TTC34: variants seen among roughly 807,000 people sequenced by gnomAD.
TTC34 encodes tetratricopeptide repeat protein 34.
TTC34 carries 44 observed loss-of-function variants against 40.7 expected under a neutral mutation model. The observed-to-expected ratio is 1.08, with a 90% CI of 0.85 to 1.39. The LOEUF is 1.39. TTC34 is among the 40% of genes most tolerant of loss of function. The pLI is 0.00. For synonymous variants in TTC34, 422 were observed against 398.6 expected, an observed-to-expected ratio of 1.06 and a Z score of -0.70; for missense variants, 884 against 838.0, an observed-to-expected ratio of 1.05 and a Z score of -0.68.
At chr1:2,764,202 G>C (rs1641723603) in intron 6 of TTC34, among the ~76,000 whole-genome samples, 1 of 149,126 alleles carries the variant, frequency 6.7e-6, no homozygotes, top group Non-Finnish European at 1.5e-5. Flanking sequence ...GCATCTGACA[G>C]TCTGGAACAG....
intron 6 of TTC34, among the ~76,000 whole-genome samples, chr1:2,753,339 C>G (rs1272001022): frequency 7.0e-4 from 85 of 122,130 alleles, no homozygotes; most frequent in African/African-American, 9.1e-4. Flanking sequence ...CCCACACCCC[C>G]AGACGAGCAT....
At chr1:2,649,573 C>T (rs1639085626) in intron 6 of TTC34, among the ~76,000 whole-genome samples, 2 of 152,072 alleles carry the variant, frequency 1.3e-5, no homozygotes, top group South Asian at 2.1e-4. Flanking sequence ...TGGAGTCTCT[C>T]TCTGTCGCCC....
intron 6 of TTC34, among the ~76,000 whole-genome samples, chr1:2,751,716 C>T (rs1301749024): frequency 1.1e-4 from 15 of 140,068 alleles, no homozygotes; most frequent in African/African-American, 2.9e-4. Context: ...CAGCCTGGAG[C>T]AGCACCCACA....
At chr1:2,675,713 A>AGCATCTGACAGCCTGGAACG (rs1639889939) in intron 6 of TTC34, among the ~76,000 whole-genome samples, 1 of 83,984 alleles carries the variant, frequency 1.2e-5, no homozygotes, top group Non-Finnish European at 2.5e-5. Flanking sequence ...AGCCTGGAAG[A>AGCATCTGACAGCCTGGAACG]GCACCCACAC....
chr1:2,686,665 T>G (rs1305150477), intron 6 of TTC34, among the ~76,000 whole-genome samples: 1 of 132,676 alleles, frequency 7.5e-6, no homozygotes, highest in Non-Finnish European at 1.6e-5. Context: ...TCTGACAGCC[T>G]GGAACAGCAC....
intron 6 of TTC34, among the ~76,000 whole-genome samples, chr1:2,690,254 C>G (rs1403945320): frequency 3.5e-5 from 5 of 142,100 alleles, no homozygotes; most frequent in South Asian, 2.3e-4. Context: ...GAACAGCACC[C>G]TGCACACCCA....
exon 5 of TTC34, chr1:2,785,991 G>C (rs565594654): frequency 1.3e-6 from 2 of 1,497,722 alleles, no homozygotes; most frequent in African/African-American, 2.8e-5. Flanking sequence ...GGAGGCAGGC[G>C]GTGTCACCAG....
intron 6 of TTC34, among the ~76,000 whole-genome samples, chr1:2,681,933 A>G (rs1314695406): frequency 2.9e-5 from 3 of 103,218 alleles, no homozygotes; most frequent in Non-Finnish European, 6.1e-5. Flanking sequence ...ACAGCCTGGA[A>G]CAGCACCAAC....
chr1:2,783,820 C>T (rs1392567359), intron 5 of TTC34, 45 bp from the exon 6 acceptor site: 2 of 1,399,422 alleles, frequency 1.4e-6, no homozygotes, highest in South Asian at 1.7e-5. Context: ...ATGCTGGGTC[C>T]CTTCCCCAGC....
intron 6 of TTC34, among the ~76,000 whole-genome samples, chr1:2,754,830 C>A (rs1641451626): frequency 6.6e-6 from 1 of 151,066 alleles, no homozygotes; most frequent in African/African-American, 2.5e-5. Context: ...CCCAGGTGAG[C>A]ATCTGACAGA....
At chr1:2,777,278 A>C (rs1376612581) in intron 6 of TTC34, among the ~76,000 whole-genome samples, 1 of 118,138 alleles carries the variant, frequency 8.5e-6, no homozygotes, top group Non-Finnish European at 1.7e-5. Context: ...GACAACCTGG[A>C]GCAGCACCCC....
intron 6 of TTC34, among the ~76,000 whole-genome samples, chr1:2,688,121 C>T (rs1345368245): frequency 8.2e-4 from 120 of 147,154 alleles, no homozygotes; most frequent in Non-Finnish European, 1.3e-3. Context: ...TGGAACAGCA[C>T]CCACACCCCC....
Position 2,751,007 on chromosome 1 carries a change from C to T in TTC34, c.2226+32602G>A, listed in dbSNP as rs1354658064. Among the ~76,000 whole-genome samples the T allele has an allele frequency of 1.0e-4, 11 of 106,274 alleles. 3 individuals carry two copies. The highest frequency in any genetic ancestry group is 6.6e-4 in the South Asian group (2 of 3,016). 69.7% of individuals were successfully genotyped at this position (106,274 alleles called of 152,430 possible). A position where few individuals can be genotyped will look rare whatever the true frequency, so the allele number is the denominator to read the frequency against. The stretch of plus-strand genomic sequence containing the variant: ...TGATGGTCTGGAGCAGCACCCACAC[C>T]GACAGGTGAGCATCTGACAGCCTGG... On this transcript the variant is annotated intron_variant, in intron 6 of 8. Coordinates refer to ENST00000401095, the Ensembl canonical transcript of TTC34.
chr1:2,692,007 A>C (rs755061120), intron 6 of TTC34, among the ~76,000 whole-genome samples: 144 of 9,272 alleles, frequency 0.016, no homozygotes, highest in East Asian at 0.03. Context: ...ATCTGACAGC[A>C]TGTATCAGCA....
chr1:2,660,634 G>C (rs147766391), intron 6 of TTC34, among the ~76,000 whole-genome samples: 109 of 21,820 alleles, frequency 5.0e-3, no homozygotes, highest in South Asian at 0.011. Context: ...CCCACAACCA[G>C]AGGTGAGCAT....
chr1:2,787,734 T>C (rs2100627115), intron 3 of TTC34, 28 bp from the exon 4 acceptor site: 1 of 1,485,578 alleles, frequency 6.7e-7, no homozygotes, highest in Non-Finnish European at 9.1e-7. Context: ...CAGGGGGGCA[T>C]GCCCCTTTTG....
chr1:2,775,600 G>T (rs868042624), intron 6 of TTC34: 10 of 148,472 alleles, frequency 6.7e-5, no homozygotes, highest in Non-Finnish European at 1.5e-4. Flanking sequence ...CCACTCACAG[G>T]TGATGTGACT....
intron 6 of TTC34, among the ~76,000 whole-genome samples, chr1:2,652,466 C>T (rs79133152): frequency 2.2e-4 from 28 of 129,502 alleles, no homozygotes; most frequent in African/African-American, 5.8e-4. Context: ...CATCCGACAG[C>T]CTGGAGCAGA....
chr1:2,686,717 A>G (rs61763552), intron 6 of TTC34, among the ~76,000 whole-genome samples: 2 of 84,072 alleles, frequency 2.4e-5, no homozygotes, highest in Admixed American at 1.2e-4. Flanking sequence ...GGAACAGCAC[A>G]CACACCCCCA....
Sources: gnomAD v4.1 joint callset for allele counts (sites outside exome capture counted in the v4.1 genomes callset) on GRCh38, gnomAD v4.1.1 for gene constraint, MANE v1.5 for transcripts, NCBI Gene and HGNC (gene_info 2026-07-23, HGNC 2026-07-21) for gene names.